FUT8: variants seen among roughly 807,000 people sequenced by gnomAD.
The protein encoded by FUT8 is fucosyltransferase 8, also known as alpha-(1,6)-fucosyltransferase.
A neutral mutation model predicts 71.3 loss-of-function variants in FUT8; 29 were observed. The ratio of observed to expected loss-of-function variants is 0.41; its 90% CI spans 0.30 to 0.55. The LOEUF is 0.55. FUT8 is among the 20% of genes least tolerant of loss of function. The pLI is 0.34. For synonymous variants in FUT8, 254 were observed against 239.3 expected, an observed-to-expected ratio of 1.06 and a Z score of -0.57; for missense variants, 544 against 702.1, an observed-to-expected ratio of 0.77 and a Z score of 2.55.
At chr14:65,587,514 ATG>A (rs1050356932) in intron 3 of FUT8, among the ~76,000 whole-genome samples, 3 of 152,218 alleles carry the variant, frequency 2.0e-5, no homozygotes, top group Non-Finnish European at 4.4e-5. Flanking sequence ...AACAAATAGT[ATG>A]TGTGTGTATA....
At chr14:65,684,901 G>A (rs61987768) in intron 7 of FUT8, among the ~76,000 whole-genome samples, 8,882 of 152,178 alleles carry the variant, frequency 0.058, 310 homozygotes, top group Admixed American at 0.11. Context: ...TCATAGCAGC[G>A]TGAAAATGGA....
the FUT8 span, among the ~76,000 whole-genome samples, chr14:65,359,612 C>T: frequency 6.6e-6 from 1 of 152,210 alleles, no homozygotes; most frequent in Non-Finnish European, 1.5e-5. Context: ...GCTCATTTCA[C>T]TTAGCATGAT....
chr14:65,684,950 C>T (rs1023095511), intron 7 of FUT8, among the ~76,000 whole-genome samples: 2 of 152,086 alleles, frequency 1.3e-5, no homozygotes, highest in African/African-American at 4.8e-5. Flanking sequence ...TGTTATTATC[C>T]AGTTTCATGT....
intron 1 of FUT8, among the ~76,000 whole-genome samples, chr14:65,438,896 A>AT (rs2065600202): frequency 6.6e-6 from 1 of 152,164 alleles, no homozygotes; most frequent in Non-Finnish European, 1.5e-5. Flanking sequence ...TGAAATTTTA[A>AT]TTTTTTAAAA....
chr14:65,730,717 C>T (rs1460256292), intron 9 of FUT8, among the ~76,000 whole-genome samples: 1 of 152,106 alleles, frequency 6.6e-6, no homozygotes, highest in Non-Finnish European at 1.5e-5. Context: ...CACCAGCATC[C>T]CAGTGACTGT....
At chr14:65,361,678 C>G in the FUT8 span, among the ~76,000 whole-genome samples, 1 of 151,924 alleles carries the variant, frequency 6.6e-6, no homozygotes, top group Admixed American at 6.6e-5. Context: ...TTCCCAGCTA[C>G]TTGGGAGGCT....
rs1025107858 is a variant in FUT8, at chr14:65,527,700, A to G, written c.-227-33637A>G. Among the ~76,000 whole-genome samples, 5 of 152,042 alleles carry G rather than the reference A, an allele frequency of 3.3e-5. 1 individual carries two copies. The highest frequency in any genetic ancestry group is 7.2e-5 in the African/African-American group (3 of 41,454). The stretch of plus-strand genomic sequence containing the variant: ...TGGTTTTATCTACCTTTGGTCTTTG[A>G]TGATGGTGACATACAGATGGGGTTC... On this transcript the variant is annotated intron_variant, in intron 2 of 10. Transcript: ENST00000673929.
At chr14:65,534,681 AT>A (rs200112479) in intron 2 of FUT8, among the ~76,000 whole-genome samples, 24 of 150,208 alleles carry the variant, frequency 1.6e-4, no homozygotes, top group Non-Finnish European at 4.4e-5. Flanking sequence ...GAATTTATCC[AT>A]TTTTTTCTAG....
chr14:65,696,631 G>A (rs1481702805), intron 7 of FUT8, among the ~76,000 whole-genome samples: 1 of 151,932 alleles, frequency 6.6e-6, no homozygotes, highest in Non-Finnish European at 1.5e-5. Flanking sequence ...ATTAATTTTG[G>A]AAAATTCTCA....
chr14:65,656,994 A>T (rs1891715119), intron 6 of FUT8, among the ~76,000 whole-genome samples: 1 of 152,210 alleles, frequency 6.6e-6, no homozygotes, highest in South Asian at 2.1e-4. Flanking sequence ...CCATATACGC[A>T]AATCAAAATG....
intron 9 of FUT8, among the ~76,000 whole-genome samples, chr14:65,729,206 A>G (rs1002003751): frequency 1.3e-5 from 2 of 151,626 alleles, no homozygotes; most frequent in Non-Finnish European, 2.9e-5. Flanking sequence ...TTTATGGTAG[A>G]GACGGGATTG....
the FUT8 span, among the ~76,000 whole-genome samples, chr14:65,387,775 T>C: frequency 6.6e-6 from 1 of 152,246 alleles, no homozygotes; most frequent in African/African-American, 2.4e-5. Context: ...TTGTCTCATG[T>C]TGCATGTTGT....
intron 2 of FUT8, among the ~76,000 whole-genome samples, chr14:65,482,109 A>T: frequency 6.6e-6 from 1 of 152,130 alleles, no homozygotes; most frequent in East Asian, 1.9e-4. Flanking sequence ...TGGAAGTTTT[A>T]TGGTTTTGTA....
intron 2 of FUT8, among the ~76,000 whole-genome samples, chr14:65,541,503 A>G (rs1014548914): frequency 6.6e-6 from 1 of 152,214 alleles, no homozygotes; most frequent in Non-Finnish European, 1.5e-5. Flanking sequence ...AGGCCCAACA[A>G]TTAGTAGCTC....
At chr14:65,469,075 GA>G (rs1323222336) in intron 2 of FUT8, among the ~76,000 whole-genome samples, 1 of 152,142 alleles carries the variant, frequency 6.6e-6, no homozygotes, top group Non-Finnish European at 1.5e-5. Flanking sequence ...ACCTGCTTGG[GA>G]AGCTGTGGCA....
intron 1 of FUT8, among the ~76,000 whole-genome samples, chr14:65,445,193 G>A (rs150721915): frequency 1.9e-3 from 290 of 152,228 alleles, no homozygotes; most frequent in Non-Finnish European, 3.3e-3. Context: ...GAGACAGAGC[G>A]AAACTCTGTC....
the FUT8 span, among the ~76,000 whole-genome samples, chr14:65,383,265 CTTTTTTTTTTTTTTTT>C: frequency 2.3e-5 from 2 of 86,514 alleles, no homozygotes; most frequent in Admixed American, 1.6e-4. Context: ...TTTTTCTTTT[CTTTTTTTTTTTTTTTT>C]TTTTTTTTTT....
At position 65,446,990 on chromosome 14, in the gene FUT8, A is replaced by C. The variant is rs906272796; in HGVS notation, c.-325-8631A>C. On this transcript the variant is annotated intron_variant, in intron 1 of 10. Transcript: ENST00000673929. ...GACTCTGCTATTGTTTCTTTAAATA[A>C]ACATTCTGCCCCTTTGTCTGTCTCT... 3.9e-5 allele frequency among the ~76,000 whole-genome samples: 6 copies of C among 152,206 alleles called. No homozygotes were observed. In the East Asian group the frequency reaches 9.6e-4, roughly 24 times the overall value.
chr14:65,667,723 C>T (rs929719005), intron 6 of FUT8, among the ~76,000 whole-genome samples: 2 of 152,084 alleles, frequency 1.3e-5, no homozygotes, highest in Non-Finnish European at 2.9e-5. Context: ...CAAAGCCATC[C>T]TAAGCAAAAA....
Sources: gnomAD v4.1 joint callset for allele counts (sites outside exome capture counted in the v4.1 genomes callset) on GRCh38, gnomAD v4.1.1 for gene constraint, MANE v1.5 for transcripts, NCBI Gene and HGNC (gene_info 2026-07-23, HGNC 2026-07-21) for gene names.